The following SKAP1 variants were observed in gnomAD, a reference collection of about 807,000 sequenced individuals.
The protein encoded by SKAP1 is src kinase-associated phosphoprotein 1.
A neutral mutation model predicts 58.5 loss-of-function variants in SKAP1; 44 were observed. The ratio of observed to expected loss-of-function variants is 0.75; its 90% CI spans 0.59 to 0.97. SKAP1 has a LOEUF of 0.97. SKAP1 is among the 50% of genes least tolerant of loss of function. The pLI, the probability that SKAP1 is intolerant of heterozygous loss-of-function variation, is 0.00. For synonymous variants in SKAP1, 127 were observed against 149.7 expected, an observed-to-expected ratio of 0.85 and a Z score of 1.11; for missense variants, 390 against 435.2, an observed-to-expected ratio of 0.90 and a Z score of 0.92.
At chr17:48,281,018 T>A (rs1158733609) in intron 4 of SKAP1, among the ~76,000 whole-genome samples, 1 of 152,040 alleles carries the variant, frequency 6.6e-6, no homozygotes, top group Non-Finnish European at 1.5e-5. Flanking sequence ...TTTTTACTTT[T>A]TTATTTTTAT....
intron 1 of SKAP1, among the ~76,000 whole-genome samples, chr17:48,399,814 TC>T (rs2067473103): frequency 6.6e-6 from 1 of 151,806 alleles, no homozygotes; most frequent in Non-Finnish European, 1.5e-5. Flanking sequence ...CTGAACACTT[TC>T]CCCACGTTCC....
At chr17:48,153,141 A>G (rs2063924140) in intron 11 of SKAP1, among the ~76,000 whole-genome samples, 1 of 152,334 alleles carries the variant, frequency 6.6e-6, no homozygotes, top group South Asian at 2.1e-4. Context: ...TAGATAGAAT[A>G]AAATAAAATG....
intron 11 of SKAP1, among the ~76,000 whole-genome samples, chr17:48,156,932 T>C (rs2063985321): frequency 6.6e-6 from 1 of 152,230 alleles, no homozygotes; most frequent in African/African-American, 2.4e-5. Context: ...TCATCTCTTT[T>C]TCAATAATTT....
intron 2 of SKAP1, among the ~76,000 whole-genome samples, chr17:48,364,698 A>T (rs2066980876): frequency 6.6e-6 from 1 of 152,046 alleles, no homozygotes; most frequent in Non-Finnish European, 1.5e-5. Flanking sequence ...AAACAACAAC[A>T]ACAACAAGTG....
intron 8 of SKAP1, 86 bp from the exon 9 acceptor site, chr17:48,180,334 G>A: frequency 2.0e-6 from 2 of 983,952 alleles, no homozygotes; most frequent in Non-Finnish European, 2.9e-6. Flanking sequence ...GAGGAGGAGG[G>A]ATGAGAGTAA....
intron 4 of SKAP1, among the ~76,000 whole-genome samples, chr17:48,340,997 G>A (rs1358714027): frequency 1.3e-5 from 2 of 152,158 alleles, no homozygotes; most frequent in African/African-American, 4.8e-5. Context: ...AAATCTATTG[G>A]AACTCTATTC....
chr17:48,158,098 A>G lies in SKAP1; in HGVS notation c.978+4371T>C, dbSNP rs148897774. ...AGGCTGAGGCAGGAGAATTGCTTGA[A>G]CCCGGGAGGTGGAGGTTGCAGTGAG... On this transcript the variant is annotated intron_variant, in intron 11 of 12. Coordinates refer to ENST00000336915, the MANE Select transcript of SKAP1 (RefSeq NM_003726.4). 1.7e-3 allele frequency among the ~76,000 whole-genome samples: 253 copies of G among 145,822 alleles called. 4 individuals carry two copies. Among genetic ancestry groups the G allele is most frequent in the Admixed American group, 0.014 (203 of 14,100 alleles).
chr17:48,436,510 CTT>C, the SKAP1 span, among the ~76,000 whole-genome samples: 5 of 152,106 alleles, frequency 3.3e-5, no homozygotes, highest in Admixed American at 2.0e-4. Context: ...CAGTTTCACT[CTT>C]GTCTTGCCTC....
chr17:48,217,385 T>C (rs1378016696), intron 4 of SKAP1, among the ~76,000 whole-genome samples: 1 of 152,060 alleles, frequency 6.6e-6, no homozygotes, highest in Non-Finnish European at 1.5e-5. Flanking sequence ...TCAGCTGCAA[T>C]GGTGCCAGAT....
Position 48,343,377 on chromosome 17 carries a change from T to A in SKAP1, c.280+2528A>T, listed in dbSNP as rs2066682074. Among the ~76,000 whole-genome samples the A allele has an allele frequency of 2.0e-5, 3 of 152,202 alleles. No homozygotes were observed. The South Asian group carries it at 6.2e-4, about 31-fold the overall frequency. On this transcript the variant is annotated intron_variant, in intron 4 of 12. Transcript: ENST00000336915. ...GTATGTATCTTTAATTTTCAGGGGATGAAAATGAACATTTATTGTGCCTGT... is the reference window on the plus strand; with the variant it reads ...GTATGTATCTTTAATTTTCAGGGGAAGAAAATGAACATTTATTGTGCCTGT...
At chr17:48,309,902 A>T (rs1164900981) in intron 4 of SKAP1, among the ~76,000 whole-genome samples, 3 of 152,158 alleles carry the variant, frequency 2.0e-5, no homozygotes, top group Non-Finnish European at 2.9e-5. Flanking sequence ...TTGGCCTTGC[A>T]CCTTTAATGA....
At chr17:48,150,036 T>G (rs2063881779) in intron 11 of SKAP1, among the ~76,000 whole-genome samples, 1 of 152,194 alleles carries the variant, frequency 6.6e-6, no homozygotes, top group Non-Finnish European at 1.5e-5. Context: ...TTTTGGGTGG[T>G]TTAAAGTACT....
At chr17:48,202,066 A>C (rs1211447097) in intron 4 of SKAP1, among the ~76,000 whole-genome samples, 5 of 152,162 alleles carry the variant, frequency 3.3e-5, no homozygotes, top group Non-Finnish European at 5.9e-5. Flanking sequence ...CTACATGGAG[A>C]TTAGTGTGAC....
At chr17:48,382,204 G>T (rs748567893) in intron 2 of SKAP1, among the ~76,000 whole-genome samples, 4 of 151,396 alleles carry the variant, frequency 2.6e-5, no homozygotes, top group Non-Finnish European at 5.9e-5. Context: ...AAACCCACAT[G>T]GGGGGAGGGG....
intron 4 of SKAP1, among the ~76,000 whole-genome samples, chr17:48,342,917 A>G (rs1408087301): frequency 2.0e-5 from 3 of 151,774 alleles, no homozygotes; most frequent in African/African-American, 2.4e-5. Flanking sequence ...CCCAGGAGGC[A>G]GAGTTTGCAG....
intron 1 of SKAP1, among the ~76,000 whole-genome samples, chr17:48,424,401 A>G (rs1269965021): frequency 1.3e-5 from 2 of 150,788 alleles, no homozygotes; most frequent in African/African-American, 2.4e-5. Flanking sequence ...AATTTTTTGT[A>G]TTTTTAGTAC....
chr17:48,308,996 A>AT (rs1336199564), intron 4 of SKAP1, among the ~76,000 whole-genome samples: 2 of 151,788 alleles, frequency 1.3e-5, no homozygotes, highest in African/African-American at 2.4e-5. Context: ...GAAAAGTATC[A>AT]TTTTTTTTGA....
chr17:48,229,963 C>T (rs1271678187), intron 4 of SKAP1, among the ~76,000 whole-genome samples: 1 of 152,184 alleles, frequency 6.6e-6, no homozygotes, highest in African/African-American at 2.4e-5. Flanking sequence ...GGAAAGTGCA[C>T]ACATCACAAA....
At chr17:48,225,746 T>C (rs1434115756) in intron 4 of SKAP1, among the ~76,000 whole-genome samples, 1 of 152,168 alleles carries the variant, frequency 6.6e-6, no homozygotes, top group Non-Finnish European at 1.5e-5. Context: ...TTATGAATAC[T>C]GAAACCAGCA....
Sources: allele counts gnomAD v4.1 joint callset (sites outside exome capture counted in the v4.1 genomes callset), GRCh38; gene constraint gnomAD v4.1.1; transcripts MANE v1.5; gene names NCBI Gene and HGNC (gene_info 2026-07-23, HGNC 2026-07-21).